The following FNDC1 variants were observed in gnomAD, a reference collection of about 807,000 sequenced individuals.
FNDC1 encodes the protein fibronectin type III domain-containing protein 1.
FNDC1 carries 96 observed loss-of-function variants against 168.0 expected under a neutral mutation model. That is an observed-to-expected ratio of 0.57 (90% CI 0.48 to 0.68). The LOEUF (loss-of-function observed/expected upper bound fraction) is 0.68, where lower values mean the gene tolerates loss of function less well. Among genes scored for constraint, FNDC1 ranks in the 30% least tolerant of loss-of-function variants. The pLI, the probability that FNDC1 is intolerant of heterozygous loss-of-function variation, is 0.00. For missense variants in FNDC1, 2,587 were observed against 2,482.1 expected, an observed-to-expected ratio of 1.04 and a Z score of -0.90; for synonymous variants, 1,099 against 1,025.9, an observed-to-expected ratio of 1.07 and a Z score of -1.36.
In FNDC1 at chr6:159,272,054, C is replaced by T. The variant is rs1777757885; in HGVS notation, c.*612C>T. The stretch of plus-strand genomic sequence containing the variant: ...ATGTATATATGCATATACATATCCA[C>T]ACTTGTCTGCAAGAATATTGATTAA... On this transcript the variant is annotated 3_prime_UTR_variant, in exon 23 of 23. Transcript: ENST00000297267. 6.6e-6 allele frequency: 1 copy of T among 152,224 alleles called. No homozygotes were observed. Among genetic ancestry groups the T allele is most frequent in the Non-Finnish European group, 1.5e-5 (1 of 68,096 alleles). 9.4% of individuals were successfully genotyped at this position (152,224 alleles called of 1,614,324 possible).
At chr6:159,190,415 T>C (rs1782110334) in intron 1 of FNDC1, among the ~76,000 whole-genome samples, 1 of 152,238 alleles carries the variant, frequency 6.6e-6, no homozygotes, top group African/African-American at 2.4e-5. Flanking sequence ...GAGTGTCTCC[T>C]CTCAGGTCTG....
At chr6:159,214,889 T>G (rs1782676514) in intron 4 of FNDC1, 56 bp from the exon 5 acceptor site, 1 of 1,529,986 alleles carries the variant, frequency 6.5e-7, no homozygotes, top group African/African-American at 1.4e-5. Context: ...ATGTGCATGA[T>G]GGCAAACTCT....
chr6:159,205,300 C>T (rs1446531229), intron 4 of FNDC1, among the ~76,000 whole-genome samples: 4 of 152,150 alleles, frequency 2.6e-5, no homozygotes, highest in African/African-American at 4.8e-5. Context: ...GACATGTATA[C>T]CCCAGACTTG....
Position 159,251,488 on chromosome 6 carries a change from T to C in FNDC1, c.5021T>C (p.Val1674Ala), listed in dbSNP as rs761798531. The C allele has an allele frequency of 1.2e-6, 2 of 1,613,930 alleles. No homozygotes were observed. Among genetic ancestry groups the C allele is most frequent in the South Asian group, 1.1e-5 (1 of 91,038 alleles). The change falls in exon 17 of 23, where the codon GTC becomes GCC. Residue 1674 changes from valine (V) to alanine (A), a missense_variant. By Grantham distance (64) the Val-to-Ala change is moderately conservative. Coordinates refer to ENST00000297267, the MANE Select transcript of FNDC1 (RefSeq NM_032532.3). ...VVAVEGCHSF[V>A]IVDWDKATPG... ...GCCGTGGAAGGTTGCCACTCATTTG[T>C]CATTGTGGACTGGGACAAAGCCACC... is the stretch of plus-strand genomic sequence containing the variant.
At chr6:159,227,646 CTT>C (rs10537794) in intron 9 of FNDC1, among the ~76,000 whole-genome samples, 46,268 of 135,874 alleles carry the variant, frequency 0.34, 9,330 homozygotes, top group African/African-American at 0.61. Context: ...TCTTCTTTCT[CTT>C]TTTTTTTTTT....
rs1247387917 is a variant in FNDC1 at position 159,238,121 on chromosome 6, G to A, written c.4069-433G>A. Among the ~76,000 whole-genome samples, 6 of 148,226 alleles carry A rather than the reference G, an allele frequency of 4.0e-5. No homozygotes were observed. In the South Asian group the frequency reaches 1.1e-3, roughly 26 times the overall value. ...ACTTTTTTTTTTTTTTTTTTGAGAC[G>A]GAGTCTTGCCCTGTCACACAGGCTG... On this transcript the variant is annotated intron_variant, in intron 12 of 22. Coordinates refer to ENST00000297267, the MANE Select transcript of FNDC1 (RefSeq NM_032532.3).
chr6:159,247,040 G>A (rs998356420), intron 15 of FNDC1, 71 bp downstream of exon 15: 24 of 1,147,588 alleles, frequency 2.1e-5, no homozygotes, highest in Non-Finnish European at 2.6e-5. Flanking sequence ...TGTAACTATT[G>A]AGTGGATGAT....
chr6:159,214,179 G>T (rs1211858287), intron 4 of FNDC1, among the ~76,000 whole-genome samples: 1 of 152,230 alleles, frequency 6.6e-6, no homozygotes, highest in African/African-American at 2.4e-5. Context: ...GGGCAAGGTG[G>T]TAGTCACATG....
At chr6:159,176,437 T>C (rs1329878853) in intron 1 of FNDC1, among the ~76,000 whole-genome samples, 4 of 152,180 alleles carry the variant, frequency 2.6e-5, no homozygotes, top group African/African-American at 9.7e-5. Flanking sequence ...ACAGGTGTTT[T>C]GAGGGTGAAT....
chr6:159,251,207 C>T (rs575156783), intron 16 of FNDC1, 95 bp from the exon 17 acceptor site: 79 of 913,452 alleles, frequency 8.6e-5, no homozygotes, highest in African/African-American at 2.8e-4. Flanking sequence ...AGGAAGAGAC[C>T]GAATGGTGGG....
intron 10 of FNDC1, 128 bp from the exon 11 acceptor site, chr6:159,231,754 A>G: frequency 1.4e-6 from 1 of 701,280 alleles, no homozygotes; most frequent in Non-Finnish European, 2.3e-6. Flanking sequence ...GTTCTAAGGA[A>G]TTAGAAGTTA....
rs542010883 is a variant in FNDC1, at chr6:159,240,006, G to A, written c.4621+49G>A. The stretch of plus-strand genomic sequence containing the variant: ...AACTACTTACCAGGCACACTAGCAC[G>A]CCGCAACTCAGAGCAGGGTGGCAGA... On this transcript the variant is annotated intron_variant, in intron 14 of 22. Coordinates refer to ENST00000297267, the MANE Select transcript of FNDC1 (RefSeq NM_032532.3). 39 of 1,438,474 alleles carry A rather than the reference G, an allele frequency of 2.7e-5. No homozygotes were observed. The South Asian group carries it at 4.9e-4, about 18-fold the overall frequency. The allele number at this position is 1,438,474 out of a possible 1,614,324, so 89.1% of individuals were successfully genotyped here.
At chr6:159,199,069 C>T (rs183726499) in intron 2 of FNDC1, among the ~76,000 whole-genome samples, 6 of 152,348 alleles carry the variant, frequency 3.9e-5, no homozygotes, top group Non-Finnish European at 5.9e-5. Flanking sequence ...ATGTCATTGT[C>T]ATTATGACCT....
chr6:159,169,723 GC>G lies in FNDC1; in HGVS notation c.109+23del. 2.0e-5 allele frequency: 21 copies of G among 1,052,108 alleles called. No individual in the cohort carries two copies. The highest frequency in any genetic ancestry group is 8.6e-5 in the East Asian group (2 of 23,192). The allele number at this position is 1,052,108 out of a possible 1,614,324, so 65.2% of individuals were successfully genotyped here. Reference sequence around the variant, plus strand: ...GGCCTCAGGTACGCGCCGCGCCCGGGCCCCCGGCGCTCCTCAGCTCCCCGCG... The same window carrying G: ...GGCCTCAGGTACGCGCCGCGCCCGGGCCCCGGCGCTCCTCAGCTCCCCGCG... On this transcript the variant is annotated intron_variant, in intron 1 of 22. Coordinates refer to ENST00000297267, the MANE Select transcript of FNDC1 (RefSeq NM_032532.3). The surrounding 1 kb of genome is among the most constrained non-coding windows in gnomAD (Gnocchi z 6.8).
chr6:159,231,837 T>C, intron 10 of FNDC1, 45 bp from the exon 11 acceptor site: 1 of 1,523,932 alleles, frequency 6.6e-7, no homozygotes, highest in Non-Finnish European at 8.8e-7. Context: ...CGCTTTCGCT[T>C]TTGAGTTTCT....
chr6:159,269,499 T>TCCATCCATGC (rs1562316090), intron 22 of FNDC1, among the ~76,000 whole-genome samples: 13 of 87,404 alleles, frequency 1.5e-4, no homozygotes, highest in African/African-American at 4.8e-4. Context: ...TCTATCTATC[T>TCCATCCATGC]ATCCATCCAT....
intron 5 of FNDC1, among the ~76,000 whole-genome samples, chr6:159,219,670 T>G (rs997122537): frequency 6.6e-6 from 1 of 152,156 alleles, no homozygotes; most frequent in Admixed American, 6.5e-5. Context: ...AAACTTTTTC[T>G]TAATGATAAA....
intron 17 of FNDC1, among the ~76,000 whole-genome samples, chr6:159,252,522 G>C (rs1303538246): frequency 6.6e-6 from 1 of 152,200 alleles, no homozygotes; most frequent in Non-Finnish European, 1.5e-5. Context: ...TGGGTATTCT[G>C]CCAGGTGAGA....
chr6:159,264,909 C>T (rs778260781), intron 19 of FNDC1, 66 bp from the exon 20 acceptor site: 14 of 1,363,972 alleles, frequency 1.0e-5, no homozygotes, highest in Non-Finnish European at 1.3e-5. Flanking sequence ...GTTACACTAA[C>T]CATTTAAAGA....
Sources: allele counts gnomAD v4.1 joint callset (sites outside exome capture counted in the v4.1 genomes callset), GRCh38; gene constraint gnomAD v4.1.1; non-coding constraint Gnocchi (gnomAD v3.1); transcripts MANE v1.5; gene names NCBI Gene and HGNC (gene_info 2026-07-23, HGNC 2026-07-21).